BDNF: variants seen among roughly 807,000 people sequenced by gnomAD.
BDNF encodes brain derived neurotrophic factor, also known as neurotrophic factor BDNF precursor form.
BDNF carries 1 observed loss-of-function variant against 19.5 expected under a neutral mutation model. That is an observed-to-expected ratio of 0.05 (90% CI 0.02 to 0.24). The LOEUF (loss-of-function observed/expected upper bound fraction) is 0.24, where lower values mean the gene tolerates loss of function less well. BDNF is among the 10% of genes least tolerant of loss of function. BDNF has a pLI of 1.00. For missense variants in BDNF, 195 were observed against 317.6 expected (o/e 0.61, Z 2.93); for synonymous variants, 100 against 121.6 (o/e 0.82, Z 1.17).
chr11:27,691,305 TGGAGAGCCATATCAAG>T (rs1858247574), intron 1 of BDNF, among the ~76,000 whole-genome samples: 1 of 152,070 alleles, frequency 6.6e-6, no homozygotes, highest in Non-Finnish European at 1.5e-5. Flanking sequence ...AGAGAGTCAA[TGGAGAGCCATATCAAG>T]GAGCACCTGA....
At chr11:27,694,241 A>T (rs1385569034) in intron 1 of BDNF, among the ~76,000 whole-genome samples, 1 of 152,206 alleles carries the variant, frequency 6.6e-6, no homozygotes, top group East Asian at 1.9e-4. Context: ...TATATTCACA[A>T]TTTCATAAGT....
intron 1 of BDNF, among the ~76,000 whole-genome samples, chr11:27,708,426 T>C (rs1479329041): frequency 6.6e-6 from 1 of 152,246 alleles, no homozygotes; most frequent in East Asian, 1.9e-4. Context: ...ATCTACATGA[T>C]GCCAATTTAT....
chr11:27,693,777 CAT>C (rs1261811487), intron 1 of BDNF, among the ~76,000 whole-genome samples: 1 of 152,126 alleles, frequency 6.6e-6, no homozygotes, highest in African/African-American at 2.4e-5. Flanking sequence ...TTAATTTGGG[CAT>C]AGTTTCAGTT....
In BDNF at chr11:27,674,006, C is replaced by T. The variant is rs1855745550; in HGVS notation, c.-21-15421G>A. The T allele has an allele frequency of 9.5e-6, 14 of 1,481,226 alleles. No homozygotes were observed. The East Asian group carries it at 3.4e-4, about 36-fold the overall frequency. The allele number at this position is 1,481,226 out of a possible 1,614,324, so 91.8% of individuals were successfully genotyped here. On this transcript the variant is annotated intron_variant, in intron 1 of 1. Coordinates refer to ENST00000356660, the MANE Select transcript of BDNF (RefSeq NM_001709.5). ...CCTTTTCAAACTATTATCAAGAAAT[C>T]TTGGGGGAAAGATAAAATTAGCAAG...
At chr11:27,671,480 TACAC>T (rs1251244347) in intron 1 of BDNF, among the ~76,000 whole-genome samples, 1 of 152,146 alleles carries the variant, frequency 6.6e-6, no homozygotes, top group African/African-American at 2.4e-5. Flanking sequence ...TGTATTTAAA[TACAC>T]AGACTTTTGA....
At chr11:27,699,311 C>G in intron 1 of BDNF, 1 of 1,594,284 alleles carries the variant, frequency 6.3e-7, no homozygotes, top group Middle Eastern at 1.7e-4. Flanking sequence ...CTGTAATCTC[C>G]CCTTCTTCTT....
rs77500722 is a variant in BDNF at position 27,656,953 on chromosome 11, G to C, written c.*868C>G. On this transcript the variant is annotated 3_prime_UTR_variant, in exon 2 of 2. Coordinates refer to ENST00000356660, the MANE Select transcript of BDNF (RefSeq NM_001709.5). ...AAACAAAACAAAGAGGAGACCAGAG[G>C]GGGAGGGGGGGAAAGAATGTGTTCT... 593 of 985,374 alleles carry C rather than the reference G, an allele frequency of 6.0e-4. 18 individuals are homozygous for C. In the East Asian group the frequency reaches 0.038, roughly 63 times the overall value. The allele number at this position is 985,374 out of a possible 1,614,324, so 61.0% of individuals were successfully genotyped here.
intron 1 of BDNF, among the ~76,000 whole-genome samples, chr11:27,697,164 CAGAGAGAGAGAG>C (rs72348822): frequency 3.0e-5 from 4 of 133,086 alleles, no homozygotes; most frequent in Non-Finnish European, 6.3e-5. Context: ...CACACACACA[CAGAGAGAGAGAG>C]AGAGAGAGAG....
chr11:27,692,457 T>C (rs1858420687), intron 1 of BDNF, among the ~76,000 whole-genome samples: 2 of 152,132 alleles, frequency 1.3e-5, no homozygotes, highest in Admixed American at 6.6e-5. Flanking sequence ...TCCTACTGCC[T>C]CAGCCTCCCA....
At chr11:27,717,642 C>T (rs1860565501) in intron 1 of BDNF, among the ~76,000 whole-genome samples, 2 of 152,174 alleles carry the variant, frequency 1.3e-5, no homozygotes, top group African/African-American at 4.8e-5. Context: ...TTAATAGCAT[C>T]TAGGTTAAAA....
intron 1 of BDNF, among the ~76,000 whole-genome samples, chr11:27,694,821 G>T (rs1274999288): frequency 6.6e-6 from 1 of 151,980 alleles, no homozygotes; most frequent in East Asian, 1.9e-4. Flanking sequence ...AAATTATTTG[G>T]TGTTATTGTA....
intron 1 of BDNF, among the ~76,000 whole-genome samples, chr11:27,711,728 G>T (rs1860336561): frequency 6.6e-6 from 1 of 152,186 alleles, no homozygotes; most frequent in African/African-American, 2.4e-5. Context: ...GTTACTTTAA[G>T]AGTTAAGTAA....
intron 1 of BDNF, among the ~76,000 whole-genome samples, chr11:27,683,075 T>A (rs748907681): frequency 5.3e-5 from 8 of 152,316 alleles, no homozygotes; most frequent in Non-Finnish European, 1.0e-4. Context: ...CATCTGTTGT[T>A]TCCTGACTTT....
intron 1 of BDNF, chr11:27,699,315 T>A (rs1859602846): frequency 6.3e-7 from 1 of 1,599,970 alleles, no homozygotes; most frequent in Admixed American, 1.7e-5. Flanking sequence ...AATCTCCCCT[T>A]CTTCTTGCCC....
intron 1 of BDNF, among the ~76,000 whole-genome samples, chr11:27,716,943 C>G (rs1345851397): frequency 6.6e-6 from 1 of 152,138 alleles, no homozygotes; most frequent in African/African-American, 2.4e-5. Context: ...CTGGTTTTCC[C>G]TCATTTCTGT....
At chr11:27,665,854 G>T (rs956633868) in intron 1 of BDNF, among the ~76,000 whole-genome samples, 1 of 152,202 alleles carries the variant, frequency 6.6e-6, no homozygotes, top group African/African-American at 2.4e-5. Flanking sequence ...GGGCACAGCT[G>T]AACAAAAGAC....
upstream of BDNF, chr11:27,700,992 A>G (rs1459048901): frequency 2.2e-6 from 3 of 1,361,594 alleles, no homozygotes; most frequent in African/African-American, 1.5e-5. Context: ...TTCCTGCACT[A>G]CGGAGCTTGC....
chr11:27,684,612 G>A (rs1857249567), intron 1 of BDNF, among the ~76,000 whole-genome samples: 1 of 152,142 alleles, frequency 6.6e-6, no homozygotes, highest in South Asian at 2.1e-4. Flanking sequence ...AGCATGAAGG[G>A]CTGTTGAATT....
At chr11:27,671,642 TG>T (rs1215718491) in intron 1 of BDNF, among the ~76,000 whole-genome samples, 2 of 152,184 alleles carry the variant, frequency 1.3e-5, no homozygotes, top group Non-Finnish European at 2.9e-5. Flanking sequence ...GAGAAATTCC[TG>T]GGGCCTGAGA....
Sources: gnomAD v4.1 joint callset for allele counts (sites outside exome capture counted in the v4.1 genomes callset) on GRCh38, gnomAD v4.1.1 for gene constraint, MANE v1.5 for transcripts, NCBI Gene and HGNC (gene_info 2026-07-23, HGNC 2026-07-21) for gene names.